Variants in TTLL11 observed in about 807,000 individuals in gnomAD.
TTLL11 encodes the protein tubulin polyglutamylase TTLL11.
Under a neutral mutation model 51.7 loss-of-function variants are expected in TTLL11, and 42 were observed. That is an observed-to-expected ratio of 0.81 (90% confidence interval 0.64 to 1.05). TTLL11 has a LOEUF of 1.05. TTLL11 is among the 50% of genes least tolerant of loss of function. The pLI is 0.00. For missense variants in TTLL11, 799 were observed against 940.4 expected (o/e 0.85, Z 1.97); for synonymous variants, 381 against 383.5 (o/e 0.99, Z 0.08).
intron 6 of TTLL11, among the ~76,000 whole-genome samples, chr9:121,968,122 A>G (rs924298939): frequency 2.0e-5 from 3 of 152,200 alleles, no homozygotes; most frequent in Non-Finnish European, 4.4e-5. Flanking sequence ...TAAATGGTTC[A>G]TTGTATCACA....
chr9:121,826,027 G>C (rs1836740338), intron 8 of TTLL11, among the ~76,000 whole-genome samples: 1 of 150,752 alleles, frequency 6.6e-6, no homozygotes, highest in Non-Finnish European at 1.5e-5. Flanking sequence ...AGATGATGGA[G>C]GGGGAGATGC....
rs533242252 is a variant in TTLL11 at position 121,929,047 on chromosome 9, C to T, written c.1481+44962G>A. ...ATCAGAGACAACCTTTGTGATTTTA[C>T]GTAGATCATGTAGTTTCAGACAACA... On this transcript the variant is annotated intron_variant, in intron 6 of 8. Transcript: ENST00000321582. Among the ~76,000 whole-genome samples the T allele has an allele frequency of 2.5e-4, 38 of 152,244 alleles. 1 individual carries two copies. The highest frequency in any genetic ancestry group is 3.9e-4 in the Admixed American group (6 of 15,302).
intron 1 of TTLL11, among the ~76,000 whole-genome samples, chr9:122,078,250 A>G (rs1845909664): frequency 6.6e-6 from 1 of 152,256 alleles, no homozygotes; most frequent in Non-Finnish European, 1.5e-5. Context: ...GAGATGATCA[A>G]TAAAGTCAAA....
intron 6 of TTLL11, among the ~76,000 whole-genome samples, chr9:121,928,919 A>C (rs1462532551): frequency 1.3e-5 from 2 of 152,192 alleles, no homozygotes; most frequent in East Asian, 3.8e-4. Context: ...AGATTATTTT[A>C]AAAACTTTTA....
intron 6 of TTLL11, among the ~76,000 whole-genome samples, chr9:121,938,294 GAA>G (rs386416140): frequency 8.0e-6 from 1 of 125,536 alleles, no homozygotes. Context: ...GTCTCAAAAA[GAA>G]AAAAAAAAAA....
intron 6 of TTLL11, among the ~76,000 whole-genome samples, chr9:121,959,765 A>G (rs1842153404): frequency 6.6e-6 from 1 of 151,930 alleles, no homozygotes; most frequent in South Asian, 2.1e-4. Flanking sequence ...TGCTTTGAAA[A>G]TCTGTCTGTT....
intron 3 of TTLL11, among the ~76,000 whole-genome samples, chr9:122,029,920 A>G (rs968184399): frequency 1.3e-5 from 2 of 152,118 alleles, no homozygotes; most frequent in Non-Finnish European, 2.9e-5. Flanking sequence ...GTTTAGATAC[A>G]AAAAAGACTT....
chr9:122,021,199 T>C (rs536766117), intron 3 of TTLL11, among the ~76,000 whole-genome samples: 2 of 152,220 alleles, frequency 1.3e-5, no homozygotes, highest in Non-Finnish European at 2.9e-5. Flanking sequence ...AACCCTAGGA[T>C]TGCCTCAGAT....
intron 6 of TTLL11, among the ~76,000 whole-genome samples, chr9:121,891,328 C>T (rs192948935): frequency 2.0e-5 from 3 of 152,268 alleles, no homozygotes; most frequent in East Asian, 1.9e-4. Flanking sequence ...CAGGGTTGCC[C>T]GAGGATCAGA....
chr9:122,069,463 A>G (rs1399844344), intron 1 of TTLL11, among the ~76,000 whole-genome samples: 1 of 152,204 alleles, frequency 6.6e-6, no homozygotes, highest in African/African-American at 2.4e-5. Flanking sequence ...CAGGCAGATC[A>G]CCTGAGGTCA....
intron 6 of TTLL11, among the ~76,000 whole-genome samples, chr9:121,946,759 T>C (rs890320805): frequency 1.3e-5 from 2 of 152,174 alleles, no homozygotes; most frequent in Non-Finnish European, 2.9e-5. Context: ...TTTAAAACCA[T>C]GTTCAGGCTC....
intron 6 of TTLL11, among the ~76,000 whole-genome samples, chr9:121,953,509 G>A (rs765329224): frequency 7.9e-5 from 12 of 151,798 alleles, no homozygotes; most frequent in Non-Finnish European, 1.6e-4. Context: ...GCGTGTGCCT[G>A]TAGTCCCAGC....
chr9:121,936,197 A>G (rs1255900809), intron 6 of TTLL11, among the ~76,000 whole-genome samples: 2 of 152,150 alleles, frequency 1.3e-5, no homozygotes, highest in African/African-American at 2.4e-5. Context: ...GAAATAATCA[A>G]ACAAATTCAA....
At chr9:121,897,766 A>G (rs1839595839) in intron 6 of TTLL11, among the ~76,000 whole-genome samples, 1 of 152,048 alleles carries the variant, frequency 6.6e-6, no homozygotes, top group Non-Finnish European at 1.5e-5. Flanking sequence ...CTGGGTACTC[A>G]GTTTCCCCTT....
chr9:121,969,872 G>A (rs1842507087), intron 6 of TTLL11, among the ~76,000 whole-genome samples: 1 of 152,150 alleles, frequency 6.6e-6, no homozygotes, highest in Admixed American at 6.5e-5. Flanking sequence ...AACTTATTCT[G>A]AAACATTTCT....
rs956082232 is a variant in TTLL11 at position 122,088,805 on chromosome 9, A to T, written c.462+3882T>A. Reference sequence around the variant, plus strand: ...CAGATCACTTGAGGTCAGGAGTTCAAGACCAGTCTGGCCAACATGGTGAAA... The same window carrying T: ...CAGATCACTTGAGGTCAGGAGTTCATGACCAGTCTGGCCAACATGGTGAAA... On this transcript the variant is annotated intron_variant, in intron 1 of 8. Transcript: ENST00000321582. Among the ~76,000 whole-genome samples, 4 of 152,252 alleles carry T rather than the reference A, an allele frequency of 2.6e-5. No homozygotes were observed. In the East Asian group the frequency reaches 7.7e-4, roughly 29 times the overall value.
rs529314063 is a variant in TTLL11 at position 122,031,846 on chromosome 9, C to T, written c.570G>A (p.Glu190=). 8.3e-5 allele frequency: 134 copies of T among 1,613,332 alleles called. 3 individuals carry two copies. In the South Asian group the frequency reaches 1.4e-3, roughly 17 times the overall value. ...GQVNKFPGMT[E]MVRKITLSRA... ...TGCTCAGAGTAATTTTACGCACCAT[C>T]TCCGTCATGCCTGGGGAGAAGAGAC... The change falls in exon 3 of 9, where the codon GAG becomes GAA. Residue 190 remains glutamate (E), a synonymous_variant. Coordinates refer to ENST00000321582, the MANE Select transcript of TTLL11 (RefSeq NM_001139442.2).
chr9:121,837,915 G>T (rs1225141436), intron 8 of TTLL11, among the ~76,000 whole-genome samples: 1 of 152,118 alleles, frequency 6.6e-6, no homozygotes, highest in Non-Finnish European at 1.5e-5. Flanking sequence ...GTCTTCCCAC[G>T]TCTGTTTCAT....
chr9:121,868,399 G>A (rs1272292152), intron 7 of TTLL11, among the ~76,000 whole-genome samples: 1 of 152,158 alleles, frequency 6.6e-6, no homozygotes, highest in Non-Finnish European at 1.5e-5. Context: ...AGCTTCCTAC[G>A]CAGATGGTGG....
Sources: allele counts gnomAD v4.1 joint callset (sites outside exome capture counted in the v4.1 genomes callset), GRCh38; gene constraint gnomAD v4.1.1; transcripts MANE v1.5; gene names NCBI Gene and HGNC (gene_info 2026-07-23, HGNC 2026-07-21).